Variants in PLXNA3 observed in about 807,000 individuals in gnomAD.
The protein encoded by PLXNA3 is plexin A3.
A neutral mutation model predicts 118.8 loss-of-function variants in PLXNA3; 52 were observed. The observed-to-expected ratio is 0.44, with a 90% CI of 0.35 to 0.55. The LOEUF (loss-of-function observed/expected upper bound fraction) is 0.55, where lower values mean the gene tolerates loss of function less well. Ranked by LOEUF, PLXNA3 falls within the 20% of genes least tolerant of loss-of-function variation. The pLI, the probability that PLXNA3 is intolerant of heterozygous loss-of-function variation, is 0.01. For synonymous variants in PLXNA3, 925 were observed against 762.4 expected (o/e 1.21, Z -3.51); for missense variants, 1,660 against 1,730.8 (o/e 0.96, Z 0.73).
In PLXNA3 at chrX:154,471,279, C is replaced by T. The variant is rs199507126; in HGVS notation, c.5331C>T (p.Tyr1777=). The T allele has an allele frequency of 1.4e-4, 168 of 1,209,928 alleles. No individual in the cohort carries two copies. The East Asian group carries it at 4.3e-3, about 31-fold the overall frequency. The change falls in exon 31 of 33, where the codon TAC becomes TAT. Residue 1777 remains tyrosine (Y), a synonymous_variant. Coordinates refer to ENST00000369682, the MANE Select transcript of PLXNA3 (RefSeq NM_017514.5). ...GKDSPSNKLL[Y]AKDIPNYKSW... ...ACTCGCCCTCCAACAAACTGCTCTA[C>T]GCCAAGGACATCCCCAACTACAAGA...
In PLXNA3 at chrX:154,463,496, A is replaced by G. The variant is rs375126912; in HGVS notation, c.1423A>G (p.Ile475Val). 145 of 1,195,571 alleles carry G rather than the reference A, an allele frequency of 1.2e-4. No homozygotes were observed. The highest frequency in any genetic ancestry group is 1.4e-4 in the Non-Finnish European group (129 of 890,215). Reference sequence around the variant, plus strand: ...GCTCTTCAGCCCGGACCACCGGCACATCTATCTCCTGAGTGAGAAGCAGGT... The same window carrying G: ...GCTCTTCAGCCCGGACCACCGGCACGTCTATCTCCTGAGTGAGAAGCAGGT... ...DLLFSPDHRH[I>V]YLLSEKQVSQ... is the part of the protein sequence containing the mutation. The change falls in exon 5 of 33, where the codon ATC (isoleucine) becomes GTC (valine). Residue 475 changes from isoleucine to valine, a missense_variant. Ile to Val is a conservative substitution (Grantham distance 29). Coordinates refer to ENST00000369682, the MANE Select transcript of PLXNA3 (RefSeq NM_017514.5).
In PLXNA3 at chrX:154,474,958, T is replaced by G. The variant is rs2069226514; in HGVS notation, c.*2273T>G. On this transcript the variant is annotated 3_prime_UTR_variant, in exon 33 of 33. Coordinates refer to ENST00000369682, the MANE Select transcript of PLXNA3 (RefSeq NM_017514.5). ...GCTTGCCACCATACCCAGCTGTTTT[T>G]TGTTTTTTTTTTTTTTCTTTAGTAG... is the stretch of plus-strand genomic sequence containing the variant. 1 of 99,406 alleles carries G rather than the reference T, an allele frequency of 1.0e-5. No homozygotes were observed. The allele number at this position is 99,406 out of a possible 1,213,427, so 8.2% of individuals were successfully genotyped here. A position where few individuals can be genotyped will look rare whatever the true frequency, so the allele number is the denominator to read the frequency against.
chrX:154,462,675 C>T (rs2068996244), intron 4 of PLXNA3, among the ~76,000 whole-genome samples: 1 of 111,913 alleles, frequency 8.9e-6, no homozygotes, highest in African/African-American at 3.2e-5. Flanking sequence ...CCTCAAGCCT[C>T]CCTATGCCTG....
Position 154,471,002 on chromosome X carries a change from G to A in PLXNA3, c.5157-103G>A, listed in dbSNP as rs1226740505. On this transcript the variant is annotated intron_variant, in intron 30 of 32. Transcript: ENST00000369682. ...AAATGTGTTGCTCTCACCACCTCTG[G>A]ACAAGATGTGAGCCGGCCCGACAGG... 7 of 635,132 alleles carry A rather than the reference G, an allele frequency of 1.1e-5. No homozygotes were observed. In the East Asian group the frequency reaches 1.9e-4, roughly 18 times the overall value. 52.3% of individuals were successfully genotyped at this position (635,132 alleles called of 1,213,427 possible).
In PLXNA3 at chrX:154,470,506, C is replaced by T; in HGVS notation, c.5051C>T (p.Ser1684Leu). 4.1e-6 allele frequency: 5 copies of T among 1,210,955 alleles called. No individual in the cohort carries two copies. The highest frequency in any genetic ancestry group is 1.7e-5 in the African/African-American group (1 of 58,031). ...ETVFSTAHRG[S>L]ALPLAIKYMF... ...GTGTTCAGCACAGCCCACCGGGGCT[C>T]GGCCCTGCCCCTGGCCATCAAGTAC... The change falls in exon 30 of 33, where the codon TCG becomes TTG. Residue 1684 changes from serine to leucine, a missense_variant. Coordinates refer to ENST00000369682, the MANE Select transcript of PLXNA3 (RefSeq NM_017514.5).
chrX:154,469,984 G>A lies in PLXNA3; in HGVS notation c.4803G>A (p.Leu1601=), dbSNP rs949497182. 25 of 1,209,688 alleles carry A rather than the reference G, an allele frequency of 2.1e-5. No homozygotes were observed. The highest frequency in any genetic ancestry group is 2.7e-5 in the Non-Finnish European group (24 of 894,821). Reference sequence around the variant, plus strand: ...ATGCATTCTCTGCTCCAGAGAGCTTGCTCCGCACGGCCAGCAGCCCTGATA... The same window carrying A: ...ATGCATTCTCTGCTCCAGAGAGCTTACTCCGCACGGCCAGCAGCCCTGATA... The part of the protein sequence containing the change: ...FTRSLSRYES[L]LRTASSPDSL... Residue 1601 remains leucine (L), a synonymous_variant, in exon 29 of 33, where the codon TTG becomes TTA. Transcript: ENST00000369682.
chrX:154,469,262 T>C, intron 26 of PLXNA3, 47 bp downstream of exon 26: 1 of 1,181,451 alleles, frequency 8.5e-7, no homozygotes, highest in Middle Eastern at 2.4e-4. Flanking sequence ...TACCCTCCTG[T>C]GCCGTGTGAC....
rs2069181507 is a variant in PLXNA3, at chrX:154,471,388, G to A, written c.5369+71G>A. 4 of 1,150,706 alleles carry A rather than the reference G, an allele frequency of 3.5e-6. No homozygotes were observed. The Admixed American group carries it at 7.0e-5, about 20-fold the overall frequency. The allele number at this position is 1,150,706 out of a possible 1,213,427, so 94.8% of individuals were successfully genotyped here. ...TCCCTGGGCTGCCTGTGCGAGGCAGGCCAGCTACAGGCAGGAAGCCCGGGG... is the reference window on the plus strand; with the variant it reads ...TCCCTGGGCTGCCTGTGCGAGGCAGACCAGCTACAGGCAGGAAGCCCGGGG... On this transcript the variant is annotated intron_variant, in intron 31 of 32. Coordinates refer to ENST00000369682, the MANE Select transcript of PLXNA3 (RefSeq NM_017514.5).
chrX:154,469,058 C>T lies in PLXNA3; in HGVS notation c.4437C>T (p.Thr1479=). 1 of 1,211,366 alleles carries T rather than the reference C, an allele frequency of 8.3e-7. No individual in the cohort carries two copies. Among genetic ancestry groups the T allele is most frequent in the South Asian group, 1.8e-5 (1 of 57,009 alleles). ...ACTGGAGTCCGCTTTCCCCTCAGACCCTTCACTGCGTGTGTCCGGAGAACG... is the reference window on the plus strand; with the variant it reads ...ACTGGAGTCCGCTTTCCCCTCAGACTCTTCACTGCGTGTGTCCGGAGAACG... ...IRQQIDYKTL[T]LHCVCPENEG... The change falls in exon 26 of 33, where the codon ACC becomes ACT. Residue 1479 remains threonine (T), a splice_region_variant and synonymous_variant. Coordinates refer to ENST00000369682, the MANE Select transcript of PLXNA3 (RefSeq NM_017514.5).
At chrX:154,463,563 G>GGGGGGGGGGGGC in intron 5 of PLXNA3, 27 bp from the exon 6 acceptor site, 1 of 990,596 alleles carries the variant, frequency 1.0e-6, no homozygotes, top group Non-Finnish European at 1.4e-6. Context: ...GCGGGGGTGG[G>GGGGGGGGGGGGC]CTGGGTGCTG....
intron 18 of PLXNA3, 26 bp downstream of exon 18, chrX:154,467,176 C>T (rs955814717): frequency 1.7e-6 from 2 of 1,209,271 alleles, no homozygotes; most frequent in Non-Finnish European, 1.1e-6. Context: ...CCCGCCCCAC[C>T]CCGACCCTGC....
chrX:154,458,533 C>T (rs1301924490), intron 1 of PLXNA3, 105 bp downstream of exon 1: 1 of 112,527 alleles, frequency 8.9e-6, no homozygotes, highest in Non-Finnish European at 1.9e-5. Context: ...CAGGCCCTAT[C>T]CCTGCCCGTC....
At chrX:154,466,339 G>T (rs782810729) in intron 15 of PLXNA3, 37 bp from the exon 16 acceptor site, 2 of 1,211,200 alleles carry the variant, frequency 1.7e-6, no homozygotes, top group Admixed American at 4.3e-5. Flanking sequence ...GGAGCAGCCC[G>T]GCCCGGCTCC....
chrX:154,463,542 TGGGTGGTGG>T, intron 5 of PLXNA3, 23 bp downstream of exon 5: 1 of 558,296 alleles, frequency 1.8e-6, no homozygotes, highest in Non-Finnish European at 2.5e-6. Flanking sequence ...TGGGTGGCGG[TGGGTGGTGG>T]GGCGGGGGTG....
chrX:154,470,159 G>T lies in PLXNA3; in HGVS notation c.4978G>T (p.Ala1660Ser), dbSNP rs782631238. The change falls in exon 29 of 33, where the codon GCC becomes TCC. Residue 1660 changes from alanine to serine, a missense_variant. Ala to Ser is a moderately conservative substitution (Grantham distance 99). Transcript: ENST00000369682. ...CGAGATCTACCTGACACGGCTGCTGGCCACCAAGGTATGGGCCTGCCTCTC... is the reference window on the plus strand; with the variant it reads ...CGAGATCTACCTGACACGGCTGCTGTCCACCAAGGTATGGGCCTGCCTCTC... ...VSEIYLTRLLATKGTLQKFVD... is the reference protein window; with the variant it reads ...VSEIYLTRLLSTKGTLQKFVD... The T allele has an allele frequency of 2.5e-6, 3 of 1,208,647 alleles. No individual in the cohort carries two copies. Among genetic ancestry groups the T allele is most frequent in the African/African-American group, 3.5e-5 (2 of 57,620 alleles).
rs953612591 is a variant in PLXNA3 at position 154,467,903 on chromosome X, C to T, written c.3722C>T (p.Ala1241Val). ...CTGGCCATCACAGCCGTGCTGGTGG[C>T]CTACAAGCGCAAGACTCAGGACGCG... ...LLLAITAVLV[A>V]YKRKTQDADR... The change falls in exon 21 of 33, where the codon GCC becomes GTC. Residue 1241 changes from alanine to valine, a missense_variant. By Grantham distance (64) the Ala-to-Val change is moderately conservative (BLOSUM62 0). Around this residue, in one of 2 missense-constraint regions of PLXNA3, gnomAD observed 869 missense variants for 1,078.7 expected, o/e 0.81. Coordinates refer to ENST00000369682, the MANE Select transcript of PLXNA3 (RefSeq NM_017514.5). The T allele has an allele frequency of 4.1e-6, 5 of 1,207,857 alleles. No homozygotes were observed. Among genetic ancestry groups the T allele is most frequent in the East Asian group, 3.0e-5 (1 of 33,718 alleles).
Position 154,467,108 on chromosome X carries a change from G to T in PLXNA3, c.3159G>T (p.Glu1053Asp). 8.3e-7 allele frequency: 1 copy of T among 1,210,681 alleles called. No homozygotes were observed. The highest frequency in any genetic ancestry group is 1.1e-6 in the Non-Finnish European group (1 of 895,199). Reference protein sequence around the residue: ...VSGTHLLTVQEPRVRAKYRGI... With the variant: ...VSGTHLLTVQDPRVRAKYRGI... ...GGACCCACCTGCTGACGGTCCAGGA[G>T]CCCCGGGTCCGTGCCAAGTACCGCG... The change falls in exon 18 of 33, where the codon GAG (glutamate) becomes GAT (aspartate). Residue 1053 changes from glutamate to aspartate, a missense_variant. This residue lies in a region of PLXNA3 where 869 missense variants were observed against 1,078.7 expected (regional missense o/e 0.81). Coordinates refer to ENST00000369682, the MANE Select transcript of PLXNA3 (RefSeq NM_017514.5).
In PLXNA3 at chrX:154,460,614, G is replaced by T. The variant is rs372936004; in HGVS notation, c.431G>T (p.Gly144Val). 3.4e-5 allele frequency: 41 copies of T among 1,190,504 alleles called. No individual in the cohort carries two copies. The African/African-American group carries it at 6.8e-4, about 20-fold the overall frequency. The stretch of plus-strand genomic sequence containing the variant: ...CACCGCAAGGAGCACTACCTGTCGG[G>T]GGCCCAGGAGCCCGACTCCATGGCT... ...PHHRKEHYLS[G>V]AQEPDSMAGV... is the part of the protein sequence containing the mutation. The change falls in exon 2 of 33, where the codon GGG (glycine) becomes GTG (valine). Residue 144 changes from glycine (G) to valine (V), a missense_variant. Coordinates refer to ENST00000369682, the MANE Select transcript of PLXNA3 (RefSeq NM_017514.5).
Position 154,461,453 on chromosome X carries a change from C to G in PLXNA3, c.949C>G (p.Leu317Val), listed in dbSNP as rs1557204442. 3 of 1,210,983 alleles carry G rather than the reference C, an allele frequency of 2.5e-6. No individual in the cohort carries two copies. The highest frequency in any genetic ancestry group is 3.4e-6 in the Non-Finnish European group (3 of 895,293). The change falls in exon 3 of 33, where the codon CTC becomes GTC. Residue 317 changes from leucine (L) to valine (V), a missense_variant. This residue lies in a region of PLXNA3 where 791 missense variants were observed against 652.1 expected (regional missense o/e 1.21). Transcript: ENST00000369682. Reference protein sequence around the residue: ...ALGVPADEDVLFTIFSQGQKN... With the variant: ...ALGVPADEDVVFTIFSQGQKN... ...GGGCGTGCCGGCTGATGAGGACGTC[C>G]TCTTCACCATCTTCTCTCAGGGCCA...
Sources: gnomAD v4.1 joint callset for allele counts (sites outside exome capture counted in the v4.1 genomes callset) on GRCh38, gnomAD v4.1.1 for gene constraint, gnomAD v4.1.1 regional missense constraint, MANE v1.5 for transcripts, NCBI Gene and HGNC (gene_info 2026-07-23, HGNC 2026-07-21) for gene names.